The following UGT2B7 variants were observed in gnomAD, a reference collection of about 807,000 sequenced individuals.
UGT2B7 encodes the protein UDP-glucuronosyltransferase 2B7.
Under a neutral mutation model 51.9 loss-of-function variants are expected in UGT2B7, and 51 were observed. The observed-to-expected ratio is 0.98, with a 90% confidence interval of 0.78 to 1.24. UGT2B7 has a LOEUF of 1.24. Among genes scored for constraint, UGT2B7 ranks in the 50% most tolerant of loss-of-function variants. The pLI, the probability that UGT2B7 is intolerant of heterozygous loss-of-function variation, is 0.00. For missense variants in UGT2B7, 727 were observed against 628.4 expected (o/e 1.16, Z -1.68); for synonymous variants, 225 against 211.6 (o/e 1.06, Z -0.55).
At chr4:69,084,236 C>G (rs191272281) in intron 1 of UGT2B7, among the ~76,000 whole-genome samples, 56 of 151,730 alleles carry the variant, frequency 3.7e-4, no homozygotes, top group African/African-American at 6.8e-4. Flanking sequence ...AGTTCCTCAT[C>G]ATGTATAATC....
At chr4:69,093,362 C>T (rs756134712), upstream of UGT2B7, among the ~76,000 whole-genome samples, 5 of 152,230 alleles carry the variant, frequency 3.3e-5, no homozygotes, top group Admixed American at 6.5e-5. Flanking sequence ...CCACCCCACG[C>T]GGCTGAGAGT....
upstream of UGT2B7, among the ~76,000 whole-genome samples, chr4:69,094,526 A>C (rs1719168273): frequency 6.6e-6 from 1 of 152,242 alleles, no homozygotes; most frequent in South Asian, 2.1e-4. Flanking sequence ...AGTCTAAAAA[A>C]ATACATGCCT....
chr4:69,070,696 T>C (rs1718582188), intron 1 of UGT2B7, among the ~76,000 whole-genome samples: 1 of 151,988 alleles, frequency 6.6e-6, no homozygotes. Context: ...TGTAAAATGA[T>C]TATTAGACAA....
chr4:69,079,830 G>A (rs1353385008), intron 1 of UGT2B7, among the ~76,000 whole-genome samples: 1 of 151,328 alleles, frequency 6.6e-6, no homozygotes, highest in African/African-American at 2.4e-5. Flanking sequence ...GGCTTTTGGT[G>A]TTATTAATAA....
chr4:69,074,156 C>T (rs1299811189), intron 1 of UGT2B7, among the ~76,000 whole-genome samples: 2 of 152,136 alleles, frequency 1.3e-5, no homozygotes, highest in East Asian at 1.9e-4. Flanking sequence ...GCCTGGATAA[C>T]ATAATGAGAG....
At chr4:69,094,130 T>TAAGGCA (rs1577919650), upstream of UGT2B7, among the ~76,000 whole-genome samples, 1 of 60,826 alleles carries the variant, frequency 1.6e-5, no homozygotes. Context: ...TTTTGGTTTC[T>TAAGGCA]TTTTTTTTTT....
At chr4:69,064,096 G>GAAAGAAAGAAAGAAAGAAAGAAAGAGAA (rs1257880397) in intron 1 of UGT2B7, among the ~76,000 whole-genome samples, 1 of 75,672 alleles carries the variant, frequency 1.3e-5, no homozygotes, top group Non-Finnish European at 2.5e-5. Flanking sequence ...AAGAAAGAAA[G>GAAAGAAAGAAAGAAAGAAAGAAAGAGAA]AGAAAGAAAG....
At chr4:69,074,952 C>T (rs775807186) in intron 1 of UGT2B7, among the ~76,000 whole-genome samples, 9 of 152,136 alleles carry the variant, frequency 5.9e-5, no homozygotes, top group Non-Finnish European at 1.2e-4. Context: ...ATGATCACCT[C>T]ACTATACTAT....
chr4:69,066,225 C>T (rs1032762525), intron 1 of UGT2B7, among the ~76,000 whole-genome samples: 1 of 152,090 alleles, frequency 6.6e-6, no homozygotes, highest in Non-Finnish European at 1.5e-5. Context: ...CATATGTAAA[C>T]TTGTGTCATG....
At chr4:69,064,593 T>G (rs1434399736) in intron 1 of UGT2B7, among the ~76,000 whole-genome samples, 1 of 152,176 alleles carries the variant, frequency 6.6e-6, no homozygotes, top group East Asian at 1.9e-4. Flanking sequence ...GATTAATTGT[T>G]CTCCCTCTGT....
At chr4:69,066,196 T>A (rs182323425) in intron 1 of UGT2B7, among the ~76,000 whole-genome samples, 6 of 152,326 alleles carry the variant, frequency 3.9e-5, no homozygotes, top group Non-Finnish European at 5.9e-5. Flanking sequence ...AGTTCAGGCG[T>A]ACATGTTCCG....
At chr4:69,067,157 A>G (rs967430511) in intron 1 of UGT2B7, among the ~76,000 whole-genome samples, 2 of 152,148 alleles carry the variant, frequency 1.3e-5, no homozygotes, top group African/African-American at 4.8e-5. Context: ...TCCACATGAC[A>G]ATATTGTATT....
chr4:69,082,334 A>T (rs1372531511), intron 1 of UGT2B7, among the ~76,000 whole-genome samples: 1 of 151,998 alleles, frequency 6.6e-6, no homozygotes, highest in Non-Finnish European at 1.5e-5. Context: ...TGAGGAAGGC[A>T]TGTTAAAAGC....
At chr4:69,060,399 C>T (rs1036359831) in intron 1 of UGT2B7, among the ~76,000 whole-genome samples, 2 of 152,176 alleles carry the variant, frequency 1.3e-5, no homozygotes, top group African/African-American at 2.4e-5. Context: ...CCAAATTTCT[C>T]GCTCATGGCT....
chr4:69,062,575 C>T (rs184269722), intron 1 of UGT2B7, among the ~76,000 whole-genome samples: 1 of 152,282 alleles, frequency 6.6e-6, no homozygotes, highest in Non-Finnish European at 1.5e-5. Flanking sequence ...GGATCCACCA[C>T]AGTCAGCTGA....
At chr4:69,090,206 T>A (rs1719054203) in intron 2 of UGT2B7, among the ~76,000 whole-genome samples, 1 of 152,212 alleles carries the variant, frequency 6.6e-6, no homozygotes, top group African/African-American at 2.4e-5. Context: ...ATTTGGGTAG[T>A]ACTATTTATG....
chr4:69,108,489 T>C (rs1486027486), intron 5 of UGT2B7, among the ~76,000 whole-genome samples, 167 bp downstream of exon 5: 2 of 151,914 alleles, frequency 1.3e-5, no homozygotes, highest in African/African-American at 4.8e-5. Flanking sequence ...AAAAATTGAA[T>C]TTGAAACACA....
chr4:69,069,390 C>T (rs963370022), intron 1 of UGT2B7, among the ~76,000 whole-genome samples: 1 of 151,860 alleles, frequency 6.6e-6, no homozygotes, highest in Non-Finnish European at 1.5e-5. Context: ...ACCCTTTGGA[C>T]TTATCTGATT....
intron 5 of UGT2B7, among the ~76,000 whole-genome samples, chr4:69,109,668 G>A (rs1436469286): frequency 6.6e-6 from 1 of 151,964 alleles, no homozygotes; most frequent in African/African-American, 2.4e-5. Flanking sequence ...CCCACTCTGG[G>A]TGCACTAAAT....
Sources: gnomAD v4.1 joint callset for allele counts (sites outside exome capture counted in the v4.1 genomes callset) on GRCh38, gnomAD v4.1.1 for gene constraint, MANE v1.5 for transcripts, NCBI Gene and HGNC (gene_info 2026-07-23, HGNC 2026-07-21) for gene names.